The following SNX12 variants were observed in gnomAD, a reference collection of about 807,000 sequenced individuals.
The protein encoded by SNX12 is sorting nexin-12.
For missense variants in SNX12, 62 were observed against 141.3 expected (o/e 0.44, Z 2.84); for synonymous variants, 47 against 56.0 (o/e 0.84, Z 0.71).
chrX:71,067,026 C>T (rs1175953959), intron 1 of SNX12, among the ~76,000 whole-genome samples: 2 of 112,544 alleles, frequency 1.8e-5, no homozygotes, highest in Non-Finnish European at 3.7e-5. Context: ...TTCTTCAATG[C>T]TGTTTGAGCA....
At chrX:71,073,367 A>G (rs766134908), upstream of SNX12, 2 of 111,977 alleles carry the variant, frequency 1.8e-5, no homozygotes, top group Non-Finnish European at 1.9e-5. Flanking sequence ...ATGCAACCAT[A>G]CTGAAAAGAA....
chrX:71,071,624 T>A (rs868310316), upstream of SNX12, among the ~76,000 whole-genome samples: 3 of 58,240 alleles, frequency 5.2e-5, no homozygotes, highest in African/African-American at 2.7e-4. Flanking sequence ...ATATATAATA[T>A]TTATATATTT....
chrX:71,073,386 G>T (rs184007544), upstream of SNX12: 1 of 111,754 alleles, frequency 8.9e-6, no homozygotes, highest in African/African-American at 3.3e-5. Context: ...AACTTCTTTC[G>T]ATTCTCTCTT....
At chrX:71,070,610 A>T (rs1483625984), upstream of SNX12, among the ~76,000 whole-genome samples, 4 of 111,745 alleles carry the variant, frequency 3.6e-5, no homozygotes, top group African/African-American at 1.3e-4. Flanking sequence ...AGTAGCTGGA[A>T]ATACTGGCCT....
chrX:71,060,974 C>A lies in SNX12; in HGVS notation c.*42G>T. 1.9e-6 allele frequency: 2 copies of A among 1,036,698 alleles called. No homozygotes were observed. Among genetic ancestry groups the A allele is most frequent in the Non-Finnish European group, 2.7e-6 (2 of 744,376 alleles). The allele number at this position is 1,036,698 out of a possible 1,213,427, so 85.4% of individuals were successfully genotyped here. A position where few individuals can be genotyped will look rare whatever the true frequency, so the allele number is the denominator to read the frequency against. On this transcript the variant is annotated 3_prime_UTR_variant, in exon 4 of 4. Transcript: ENST00000374274. Reference sequence around the variant, plus strand: ...AGAGGCTTAGTGTAAAAACCAATGTCATTTCAGCAGGAAAGTAGAGGGCAG... The same window carrying A: ...AGAGGCTTAGTGTAAAAACCAATGTAATTTCAGCAGGAAAGTAGAGGGCAG...
chrX:71,071,899 T>A (rs918008211), upstream of SNX12, among the ~76,000 whole-genome samples: 1 of 106,710 alleles, frequency 9.4e-6, no homozygotes. Context: ...TTACATTTAT[T>A]TTTTAACCAG....
chrX:71,068,128 A>T lies in SNX12; in HGVS notation c.165+14T>A, dbSNP rs1179026396. 1 of 1,083,095 alleles carries T rather than the reference A, an allele frequency of 9.2e-7. No individual in the cohort carries two copies. Among genetic ancestry groups the T allele is most frequent in the East Asian group, 3.4e-5 (1 of 29,231 alleles). 89.3% of individuals were successfully genotyped at this position (1,083,095 alleles called of 1,213,427 possible). A position where few individuals can be genotyped will look rare whatever the true frequency, so the allele number is the denominator to read the frequency against. ...CGGTCCTCCCTCAGCTGTCTCCCTC[A>T]CCCCGTGACTCACCCGCATGCGAAC... On this transcript the variant is annotated intron_variant, in intron 1 of 3. Coordinates refer to ENST00000374274, the MANE Select transcript of SNX12 (RefSeq NM_013346.4).
chrX:71,059,732 A>T lies in SNX12; in HGVS notation c.*1284T>A, dbSNP rs2147690309. 9.0e-6 allele frequency: 1 copy of T among 110,516 alleles called. No individual in the cohort carries two copies. The highest frequency in any genetic ancestry group is 2.8e-4 in the East Asian group (1 of 3,532). The allele number at this position is 110,516 out of a possible 1,213,427, so 9.1% of individuals were successfully genotyped here. Reference sequence around the variant, plus strand: ...TCTCACCTGGCACCAAAGTTAACTTACTCTCACCCCACCACTTGGGACAGA... The same window carrying T: ...TCTCACCTGGCACCAAAGTTAACTTTCTCTCACCCCACCACTTGGGACAGA... On this transcript the variant is annotated 3_prime_UTR_variant, in exon 4 of 4. Transcript: ENST00000374274.
upstream of SNX12, among the ~76,000 whole-genome samples, chrX:71,072,171 T>A (rs1001415680): frequency 3.7e-5 from 4 of 108,521 alleles, no homozygotes; most frequent in Admixed American, 4.0e-4. Context: ...GGCAGGAGAA[T>A]TGCTTGAACC....
chrX:71,062,368 CTTTTTTT>C (rs761195647), intron 2 of SNX12, among the ~76,000 whole-genome samples: 1 of 71,368 alleles, frequency 1.4e-5, no homozygotes, highest in African/African-American at 6.0e-5. Context: ...TTACCACTTT[CTTTTTTT>C]TTTTTTTTTT....
upstream of SNX12, among the ~76,000 whole-genome samples, chrX:71,068,838 A>C (rs2092164952): frequency 8.9e-6 from 1 of 111,953 alleles, no homozygotes; most frequent in South Asian, 3.7e-4. Flanking sequence ...CACCTGTGCC[A>C]CTGATGGTTT....
chrX:71,063,463 C>T (rs1426689842), intron 1 of SNX12, among the ~76,000 whole-genome samples: 1 of 106,137 alleles, frequency 9.4e-6, no homozygotes, highest in Non-Finnish European at 1.9e-5. Flanking sequence ...CACCACTGCA[C>T]TCCATCCTGA....
At position 71,063,067 on chromosome X, in the gene SNX12, A is replaced by G. The variant is rs759965395; in HGVS notation, c.166-118T>C. 18 of 482,125 alleles carry G rather than the reference A, an allele frequency of 3.7e-5. No individual in the cohort carries two copies. In the African/African-American group the frequency reaches 4.1e-4, roughly 11 times the overall value. The allele number at this position is 482,125 out of a possible 1,213,427, so 39.7% of individuals were successfully genotyped here. On this transcript the variant is annotated intron_variant, in intron 1 of 3. Transcript: ENST00000374274. The stretch of plus-strand genomic sequence containing the variant: ...AATAGCTCCTATGGATCATGCTCCT[A>G]TAACCCCTTCAAATCACCACCAGGT...
intron 1 of SNX12, 110 bp downstream of exon 1, chrX:71,068,031 AC>A (rs747969452): frequency 1.6e-6 from 1 of 624,097 alleles, no homozygotes; most frequent in African/African-American, 2.5e-5. Flanking sequence ...CCCCCAAATG[AC>A]CCCTAAGGCG....
intron 1 of SNX12, among the ~76,000 whole-genome samples, chrX:71,065,489 C>G (rs1318764722): frequency 1.8e-5 from 2 of 108,142 alleles, no homozygotes; most frequent in African/African-American, 3.4e-5. Context: ...GCCAACATGG[C>G]GAAACCCCAT....
chrX:71,063,098 C>A, intron 1 of SNX12, 149 bp from the exon 2 acceptor site: 1 of 436,310 alleles, frequency 2.3e-6, no homozygotes. Flanking sequence ...CAGGTAAAAA[C>A]CAACCCTTAC....
At chrX:71,068,834 T>A (rs934321298), upstream of SNX12, among the ~76,000 whole-genome samples, 1 of 112,089 alleles carries the variant, frequency 8.9e-6, no homozygotes, top group African/African-American at 3.2e-5. Flanking sequence ...GTCCCACCTG[T>A]GCCACTGATG....
At chrX:71,064,018 A>AT (rs1367296730) in intron 1 of SNX12, among the ~76,000 whole-genome samples, 1 of 111,804 alleles carries the variant, frequency 8.9e-6, no homozygotes, top group Non-Finnish European at 1.9e-5. Flanking sequence ...ATATGTATAT[A>AT]TTTATACTGA....
At position 71,061,151 on chromosome X, in the gene SNX12, T is replaced by C. The variant is rs201828455; in HGVS notation, c.387-33A>G. The C allele has an allele frequency of 4.7e-5, 52 of 1,095,139 alleles. 2 individuals are homozygous for C. The Admixed American group carries it at 8.1e-4, about 17-fold the overall frequency. 90.3% of individuals were successfully genotyped at this position (1,095,139 alleles called of 1,213,427 possible). On this transcript the variant is annotated intron_variant, in intron 3 of 3. Transcript: ENST00000374274. ...GAAACCAGGATGGTTATCAGTAGTA[T>C]TCAGAATCAGAGAGAATTAGCAGAG...
Sources: gnomAD v4.1 joint callset for allele counts (sites outside exome capture counted in the v4.1 genomes callset) on GRCh38, gnomAD v4.1.1 for gene constraint, MANE v1.5 for transcripts, NCBI Gene and HGNC (gene_info 2026-07-23, HGNC 2026-07-21) for gene names.